SRI: variants seen among roughly 807,000 people sequenced by gnomAD.
SRI encodes 22 kDa protein.
In SRI, 30 loss-of-function variants were observed where a neutral mutation model predicts 33.3. That is an observed-to-expected ratio of 0.90 (90% CI 0.67 to 1.22). The LOEUF (loss-of-function observed/expected upper bound fraction) is 1.22, where lower values mean the gene tolerates loss of function less well. SRI is among the 50% of genes most tolerant of loss of function. The pLI is 0.00. For synonymous variants in SRI, 75 were observed against 89.9 expected, an observed-to-expected ratio of 0.83 and a Z score of 0.94; for missense variants, 243 against 250.8, an observed-to-expected ratio of 0.97 and a Z score of 0.21.
At chr7:88,216,555 G>C (rs1851721375) in intron 3 of SRI, 1 of 153,802 alleles carries the variant, frequency 6.5e-6, no homozygotes, top group Admixed American at 6.5e-5. Flanking sequence ...GCAACTCAAA[G>C]CCCTAAGTGC....
rs368232935 is a variant in SRI at position 88,211,052 on chromosome 7, G to A, written c.206-127C>T. On this transcript the variant is annotated intron_variant, in intron 3 of 7. Transcript: ENST00000265729. ...TTATTTTTATATGCTATCAATTTAC[G>A]TGTGACTAATCATATGGAACTTCAA... 8.5e-5 allele frequency: 65 copies of A among 763,382 alleles called. 1 individual carries two copies. Among genetic ancestry groups the A allele is most frequent in the Middle Eastern group, 3.8e-4 (1 of 2,616 alleles). 47.3% of individuals were successfully genotyped at this position (763,382 alleles called of 1,614,324 possible). A position where few individuals can be genotyped will look rare whatever the true frequency, so the allele number is the denominator to read the frequency against.
intron 3 of SRI, among the ~76,000 whole-genome samples, chr7:88,215,667 A>C (rs1851691768): frequency 6.6e-6 from 1 of 152,266 alleles, no homozygotes; most frequent in Admixed American, 6.5e-5. Context: ...AGTCACATAA[A>C]ACAAAGGATA....
chr7:88,214,362 T>C (rs1851655796), intron 3 of SRI, among the ~76,000 whole-genome samples: 2 of 152,184 alleles, frequency 1.3e-5, no homozygotes, highest in Non-Finnish European at 2.9e-5. Flanking sequence ...ACAGAGGACC[T>C]TGAATTCCTT....
intron 3 of SRI, among the ~76,000 whole-genome samples, chr7:88,211,375 C>T (rs957052083): frequency 6.6e-6 from 1 of 152,030 alleles, no homozygotes; most frequent in Admixed American, 6.6e-5. Flanking sequence ...GAATTGCTTG[C>T]ACCTGGGAGG....
At chr7:88,216,469 T>C (rs1258184294) in intron 3 of SRI, among the ~76,000 whole-genome samples, 8 of 152,140 alleles carry the variant, frequency 5.3e-5, no homozygotes, top group Non-Finnish European at 8.8e-5. Flanking sequence ...CAACCACTTA[T>C]GTTAGCAGGA....
Position 88,210,428 on chromosome 7 carries a change from TG to T in SRI, c.250-299del, listed in dbSNP as rs1040103445. On this transcript the variant is annotated intron_variant, in intron 4 of 7. Transcript: ENST00000265729. Reference sequence around the variant, plus strand: ...GTTACTGGAACTAGGCTGTACTTTGTGGGTGCTTCAGGCTATGCTGTTTGCC... The same window carrying T: ...GTTACTGGAACTAGGCTGTACTTTGTGGTGCTTCAGGCTATGCTGTTTGCC... The T allele has an allele frequency of 2.5e-5, 11 of 434,290 alleles. No homozygotes were observed. In the East Asian group the frequency reaches 5.1e-4, roughly 20 times the overall value. 26.9% of individuals were successfully genotyped at this position (434,290 alleles called of 1,614,324 possible). A position where few individuals can be genotyped will look rare whatever the true frequency, so the allele number is the denominator to read the frequency against.
chr7:88,216,267 T>G (rs1586718177), intron 3 of SRI, among the ~76,000 whole-genome samples: 1 of 152,172 alleles, frequency 6.6e-6, no homozygotes, highest in South Asian at 2.1e-4. Flanking sequence ...TGTGAGCCAC[T>G]GTGCCCTGCC....
rs529552797 is a variant in SRI, at chr7:88,209,356, T to C, written c.494A>G (p.Lys165Arg). 6.2e-7 allele frequency: 1 copy of C among 1,614,000 alleles called. No individual in the cohort carries two copies. The highest frequency in any genetic ancestry group is 1.7e-5 in the Admixed American group (1 of 60,024). The change falls in exon 6 of 8, where the codon AAA (lysine) becomes AGA (arginine). Residue 165 changes from lysine to arginine, a missense_variant. Physicochemically the swap from Lys to Arg is conservative, Grantham distance 26 (BLOSUM62 2). Transcript: ENST00000265729. ...TFDDYIACCVKLRALTDSFRR... is the reference protein window; with the variant it reads ...TFDDYIACCVRLRALTDSFRR... Reference sequence around the variant, plus strand: ...GAACTCACCTGTAAGAGCCCTCAGTTTGACGCAGCAGGCGATGTAGTCGTC... The same window carrying C: ...GAACTCACCTGTAAGAGCCCTCAGTCTGACGCAGCAGGCGATGTAGTCGTC...
At chr7:88,219,220 C>T (rs1659390851) in intron 1 of SRI, 1 of 430,396 alleles carries the variant, frequency 2.3e-6, no homozygotes, top group South Asian at 2.1e-5. Context: ...CTGAAGGTTA[C>T]TGAGGTGAGT....
intron 7 of SRI, chr7:88,208,217 C>A (rs531405790): frequency 3.4e-4 from 145 of 423,576 alleles, no homozygotes; most frequent in Middle Eastern, 7.9e-4. Flanking sequence ...CTTCTTTATT[C>A]ATATAGTGTC....
chr7:88,216,551 C>G (rs1465620326), intron 3 of SRI: 1 of 153,654 alleles, frequency 6.5e-6, no homozygotes, highest in Non-Finnish European at 1.4e-5. Flanking sequence ...GGCAGCAACT[C>G]AAAGCCCTAA....
intron 3 of SRI, among the ~76,000 whole-genome samples, chr7:88,213,673 G>A (rs1851635281): frequency 6.6e-6 from 1 of 152,168 alleles, no homozygotes; most frequent in Admixed American, 6.5e-5. Context: ...CTCATAGGAA[G>A]TATTCACTAA....
chr7:88,213,894 C>G (rs1851642810), intron 3 of SRI, among the ~76,000 whole-genome samples: 1 of 152,104 alleles, frequency 6.6e-6, no homozygotes, highest in Admixed American at 6.5e-5. Flanking sequence ...TTTTCTGACA[C>G]AGAAAATTTT....
At position 88,215,062 on chromosome 7, in the gene SRI, C is replaced by G. The variant is rs187098395; in HGVS notation, c.205+2060G>C. On this transcript the variant is annotated intron_variant, in intron 3 of 7. Coordinates refer to ENST00000265729, the MANE Select transcript of SRI (RefSeq NM_003130.4). ...ACTGGTTAAGAAGGGCCCATAGGCTCTGAGCTGGAGTATCCCACCTGCTCA... is the reference window on the plus strand; with the variant it reads ...ACTGGTTAAGAAGGGCCCATAGGCTGTGAGCTGGAGTATCCCACCTGCTCA... The G allele has an allele frequency of 7.2e-4, 284 of 397,022 alleles. 1 individual carries two copies. Among genetic ancestry groups the G allele is most frequent in the African/African-American group, 5.1e-3 (248 of 48,264 alleles). 24.6% of individuals were successfully genotyped at this position (397,022 alleles called of 1,614,324 possible). A position where few individuals can be genotyped will look rare whatever the true frequency, so the allele number is the denominator to read the frequency against.
chr7:88,224,407 T>C (rs1298898974), upstream of SRI, among the ~76,000 whole-genome samples: 1 of 152,216 alleles, frequency 6.6e-6, no homozygotes, highest in Non-Finnish European at 1.5e-5. Flanking sequence ...TAACCATAGG[T>C]CTTCACTTGT....
chr7:88,209,967 A>G lies in SRI; in HGVS notation c.397+16T>C. 1.9e-6 allele frequency: 3 copies of G among 1,614,076 alleles called. No homozygotes were observed. Among genetic ancestry groups the G allele is most frequent in the Non-Finnish European group, 1.7e-6 (2 of 1,179,966 alleles). ...CTTCTACCAATGAATGGAGAGTTCTAGTAAGCCATACCTACCCATTGTTGT... is the reference window on the plus strand; with the variant it reads ...CTTCTACCAATGAATGGAGAGTTCTGGTAAGCCATACCTACCCATTGTTGT... On this transcript the variant is annotated intron_variant, in intron 5 of 7. Transcript: ENST00000265729.
Position 88,214,930 on chromosome 7 carries a change from C to T in SRI, c.205+2192G>A, listed in dbSNP as rs766272073. On this transcript the variant is annotated intron_variant, in intron 3 of 7. Transcript: ENST00000265729. ...CTGTTTCTCTCAACCTTATCACAGACGAACAACTAAATTCAGGGAAAAAAG... is the reference window on the plus strand; with the variant it reads ...CTGTTTCTCTCAACCTTATCACAGATGAACAACTAAATTCAGGGAAAAAAG... The T allele has an allele frequency of 7.6e-5, 56 of 740,092 alleles. 2 individuals carry two copies. In the East Asian group the frequency reaches 9.6e-4, roughly 13 times the overall value. 45.8% of individuals were successfully genotyped at this position (740,092 alleles called of 1,614,324 possible).
chr7:88,222,660 C>A (rs1025256662), upstream of SRI, among the ~76,000 whole-genome samples: 1 of 152,044 alleles, frequency 6.6e-6, no homozygotes, highest in Non-Finnish European at 1.5e-5. Flanking sequence ...AGATATAGAT[C>A]AATGGAACAG....
At chr7:88,220,664 C>T (rs1021649151), upstream of SRI, among the ~76,000 whole-genome samples, 7 of 152,170 alleles carry the variant, frequency 4.6e-5, no homozygotes, top group Non-Finnish European at 7.3e-5. Context: ...CAATTCCTTG[C>T]CTGTTTAAGC....
Sources: allele counts gnomAD v4.1 joint callset (sites outside exome capture counted in the v4.1 genomes callset), GRCh38; gene constraint gnomAD v4.1.1; transcripts MANE v1.5; gene names NCBI Gene and HGNC (gene_info 2026-07-23, HGNC 2026-07-21).